Variants in SEC24A observed in about 807,000 individuals in gnomAD.
The protein encoded by SEC24A is protein transport protein Sec24A.
Under a neutral mutation model 129.4 loss-of-function variants are expected in SEC24A, and 93 were observed. That is an observed-to-expected ratio of 0.72 (90% CI 0.61 to 0.85). The LOEUF (loss-of-function observed/expected upper bound fraction) is 0.85, where lower values mean the gene tolerates loss of function less well. Ranked by LOEUF, SEC24A falls within the 40% of genes least tolerant of loss-of-function variation. The probability of loss-of-function intolerance (pLI) is 0.00; values close to 1 mark genes in which losing one functional copy is unlikely to be tolerated. For synonymous variants in SEC24A, 460 were observed against 467.3 expected (o/e 0.98, Z 0.20); for missense variants, 1,264 against 1,307.4 (o/e 0.97, Z 0.51).
At chr5:134,682,571 TTTA>T in intron 9 of SEC24A, 89 bp downstream of exon 9, 1 of 636,870 alleles carries the variant, frequency 1.6e-6, no homozygotes, top group Non-Finnish European at 2.7e-6. Context: ...AAAATTTTAT[TTTA>T]TTTTATTTTG....
At chr5:134,719,328 G>T (rs1441757594) in intron 20 of SEC24A, among the ~76,000 whole-genome samples, 1 of 149,536 alleles carries the variant, frequency 6.7e-6, no homozygotes, top group African/African-American at 2.5e-5. Flanking sequence ...GCTTCAGTAA[G>T]CTGAGATCAC....
At chr5:134,678,178 A>G (rs1158834598) in intron 7 of SEC24A, among the ~76,000 whole-genome samples, 1 of 152,152 alleles carries the variant, frequency 6.6e-6, no homozygotes, top group African/African-American at 2.4e-5. Context: ...GGCATTGGCC[A>G]CTATACCCAG....
chr5:134,705,443 A>G lies in SEC24A; in HGVS notation c.2551+6A>G, dbSNP rs1250689976. 1.3e-6 allele frequency: 2 copies of G among 1,545,016 alleles called. No homozygotes were observed. Among genetic ancestry groups the G allele is most frequent in the East Asian group, 4.5e-5 (2 of 44,320 alleles). On this transcript the variant is annotated splice_donor_region_variant and intron_variant, in intron 17 of 22. Coordinates refer to ENST00000398844, the MANE Select transcript of SEC24A (RefSeq NM_021982.3). The stretch of plus-strand genomic sequence containing the variant: ...AGGGTTATTGGCCAATATGGGTAAG[A>G]GTTGTTATCTGTTATAAATATCTTA...
chr5:134,707,368 C>T (rs879423000), intron 17 of SEC24A, among the ~76,000 whole-genome samples: 20 of 151,010 alleles, frequency 1.3e-4, no homozygotes, highest in Non-Finnish European at 2.2e-4. Flanking sequence ...CTCACTCTAT[C>T]GCCCAGGGTG....
Position 134,686,844 on chromosome 5 carries a change from G to A in SEC24A, c.1546G>A (p.Ala516Thr), listed in dbSNP as rs777120258. The A allele has an allele frequency of 3.1e-6, 5 of 1,611,116 alleles. No homozygotes were observed. The highest frequency in any genetic ancestry group is 4.2e-6 in the Non-Finnish European group (5 of 1,178,728). ...CTTTGTATTTGATGTGTCTCACAAT[G>A]CAGTCGAAACTGGATACTTGAATTC... Reference protein sequence around the residue: ...YLFVFDVSHNAVETGYLNSVC... With the variant: ...YLFVFDVSHNTVETGYLNSVC... Residue 516 changes from alanine (A) to threonine (T), a missense_variant, in exon 10 of 23, where the codon GCA becomes ACA. Ala to Thr is a moderately conservative substitution (Grantham distance 58). Transcript: ENST00000398844.
chr5:134,713,086 A>C (rs1187885995), intron 18 of SEC24A, among the ~76,000 whole-genome samples: 14 of 139,526 alleles, frequency 1.0e-4, no homozygotes, highest in East Asian at 2.2e-4. Flanking sequence ...CGCCCACCAC[A>C]ATGCCCGGCT....
rs754676497 is a variant in SEC24A at position 134,715,092 on chromosome 5, C to A, written c.2796C>A (p.Asn932Lys). ...ERIFAMCQVK[N>K]QPLVYLMLTT... ...TTTTTGCTATGTGTCAAGTGAAAAA[C>A]CAGCCCTTGGTTTACCTTATGCTCA... The change falls in exon 19 of 23, where the codon AAC becomes AAA. Residue 932 changes from asparagine (N) to lysine (K), a missense_variant. Asn to Lys is a moderately conservative substitution (Grantham distance 94). Coordinates refer to ENST00000398844, the MANE Select transcript of SEC24A (RefSeq NM_021982.3). 1 of 1,612,248 alleles carries A rather than the reference C, an allele frequency of 6.2e-7. No individual in the cohort carries two copies. The highest frequency in any genetic ancestry group is 1.7e-5 in the Admixed American group (1 of 59,570).
At chr5:134,705,070 T>TTTTATATATATATATATATA (rs1554141294) in intron 16 of SEC24A, among the ~76,000 whole-genome samples, 2 of 133,332 alleles carry the variant, frequency 1.5e-5, no homozygotes, top group South Asian at 2.4e-4. Flanking sequence ...ATATTTATAT[T>TTTTATATATATATATATATA]TATATATATA....
chr5:134,698,496 T>G (rs1024109224), intron 15 of SEC24A, among the ~76,000 whole-genome samples: 1 of 151,806 alleles, frequency 6.6e-6, no homozygotes, highest in Admixed American at 6.6e-5. Context: ...TCCCAGCTTC[T>G]TAGGAGGCTG....
At chr5:134,693,231 G>A (rs771872422) in intron 12 of SEC24A, 69 of 1,480,506 alleles carry the variant, frequency 4.7e-5, no homozygotes, top group Middle Eastern at 1.7e-4. Context: ...GCCATAGTGC[G>A]AAGTATTTTT....
chr5:134,671,260 C>G (rs1240704567), intron 3 of SEC24A, among the ~76,000 whole-genome samples: 1 of 152,130 alleles, frequency 6.6e-6, no homozygotes, highest in Non-Finnish European at 1.5e-5. Flanking sequence ...CGGGGTTTCC[C>G]CATGTTGGCC....
At chr5:134,656,799 T>A (rs1427105337) in intron 1 of SEC24A, among the ~76,000 whole-genome samples, 56 of 149,752 alleles carry the variant, frequency 3.7e-4, no homozygotes, top group Admixed American at 2.1e-3. Context: ...TTTTTTTTTT[T>A]AAAGACAGCT....
At chr5:134,696,922 C>T (rs563007425) in intron 13 of SEC24A, among the ~76,000 whole-genome samples, 10 of 152,148 alleles carry the variant, frequency 6.6e-5, no homozygotes, top group African/African-American at 2.4e-4. Flanking sequence ...GCCACCACAC[C>T]TGGCTGGAAC....
intron 17 of SEC24A, 101 bp from the exon 18 acceptor site, chr5:134,708,612 T>C (rs1338645183): frequency 6.7e-6 from 7 of 1,042,162 alleles, no homozygotes; most frequent in Non-Finnish European, 8.3e-6. Context: ...ATTGGAGAGA[T>C]ACTTGGTATA....
At chr5:134,698,152 A>C in intron 15 of SEC24A, 95 bp downstream of exon 15, 3 of 1,064,832 alleles carry the variant, frequency 2.8e-6, no homozygotes, top group Non-Finnish European at 4.1e-6. Flanking sequence ...TGCCCTTCTG[A>C]GATACTTTGC....
chr5:134,659,555 G>A (rs1750375430), intron 1 of SEC24A, among the ~76,000 whole-genome samples: 1 of 151,446 alleles, frequency 6.6e-6, no homozygotes. Context: ...TCATGTAATA[G>A]TTACTCACAA....
chr5:134,684,302 CAAAA>C (rs577777007), intron 9 of SEC24A, among the ~76,000 whole-genome samples: 2 of 90,782 alleles, frequency 2.2e-5, no homozygotes, highest in Non-Finnish European at 2.5e-5. Flanking sequence ...AACTCCATCT[CAAAA>C]AAAAAAAAAA....
Position 134,703,944 on chromosome 5 carries a change from G to GTT in SEC24A, c.2440+20_2440+21dup. Reference sequence around the variant, plus strand: ...TACATCCAGCAAAGGTAAATTGTTTGTTTTTTTTTGGATTTCAAATGTTCA... The same window carrying GTT: ...TACATCCAGCAAAGGTAAATTGTTTGTTTTTTTTTTTGGATTTCAAATGTTCA... On this transcript the variant is annotated intron_variant, in intron 16 of 22. Coordinates refer to ENST00000398844, the MANE Select transcript of SEC24A (RefSeq NM_021982.3). The GTT allele has an allele frequency of 6.7e-6, 10 of 1,492,840 alleles. No homozygotes were observed. The highest frequency in any genetic ancestry group is 1.4e-5 in the African/African-American group (1 of 70,520). 92.5% of individuals were successfully genotyped at this position (1,492,840 alleles called of 1,614,324 possible).
At chr5:134,719,158 G>A (rs1239116335) in intron 20 of SEC24A, among the ~76,000 whole-genome samples, 4 of 152,102 alleles carry the variant, frequency 2.6e-5, no homozygotes, top group African/African-American at 7.2e-5. Flanking sequence ...AAGGCAGGCG[G>A]ATTGCTTGAG....
Sources: allele counts gnomAD v4.1 joint callset (sites outside exome capture counted in the v4.1 genomes callset), GRCh38; gene constraint gnomAD v4.1.1; transcripts MANE v1.5; gene names NCBI Gene and HGNC (gene_info 2026-07-23, HGNC 2026-07-21).